The following PHLDB3 variants were observed in gnomAD, a reference collection of about 807,000 sequenced individuals.
PHLDB3 encodes pleckstrin homology like domain family B member 3.
PHLDB3 carries 86 observed loss-of-function variants against 85.7 expected under a neutral mutation model. The ratio of observed to expected loss-of-function variants is 1.00; its 90% CI spans 0.84 to 1.20. The LOEUF (loss-of-function observed/expected upper bound fraction) is 1.20, where lower values mean the gene tolerates loss of function less well. PHLDB3 is among the 50% of genes most tolerant of loss of function. The pLI, the probability that PHLDB3 is intolerant of heterozygous loss-of-function variation, is 0.00. For synonymous variants in PHLDB3, 376 were observed against 349.8 expected, an observed-to-expected ratio of 1.07 and a Z score of -0.83; for missense variants, 995 against 873.0, an observed-to-expected ratio of 1.14 and a Z score of -1.76.
At position 43,502,940 on chromosome 19, in the gene PHLDB3, G is replaced by A. The variant is rs73935003; in HGVS notation, c.214-657C>T. 5.2e-3 allele frequency among the ~76,000 whole-genome samples: 788 copies of A among 152,106 alleles called. 5 individuals are homozygous for A. The highest frequency in any genetic ancestry group is 0.018 in the African/African-American group (756 of 41,484). ...TGGCGTCACTTTCTTGTAGTGCCTG[G>A]ATCTGTCTCTGTCTCTCCACCTGAC... is the stretch of plus-strand genomic sequence containing the variant. On this transcript the variant is annotated intron_variant, in intron 2 of 15. Coordinates refer to ENST00000292140, the MANE Select transcript of PHLDB3 (RefSeq NM_198850.4).
intron 1 of PHLDB3, chr19:43,504,340 A>T: frequency 1.7e-6 from 1 of 591,420 alleles, no homozygotes; most frequent in Non-Finnish European, 3.0e-6. Flanking sequence ...CGGAGACGGG[A>T]CCGGAATTTG....
At chr19:43,478,175 T>A (rs765148855) in intron 14 of PHLDB3, 43 bp from the exon 15 acceptor site, 2 of 1,467,278 alleles carry the variant, frequency 1.4e-6, no homozygotes, top group South Asian at 2.3e-5. Context: ...GTGAGAAAGG[T>A]GTGTCTGTGT....
chr19:43,485,859 T>A (rs1971143546), intron 13 of PHLDB3: 1 of 792,628 alleles, frequency 1.3e-6, no homozygotes, highest in African/African-American at 1.9e-5. Flanking sequence ...AAAAACAAAA[T>A]TTTAAATGAT....
intron 15 of PHLDB3, among the ~76,000 whole-genome samples, chr19:43,477,140 C>G (rs573902244): frequency 6.6e-6 from 1 of 152,306 alleles, no homozygotes; most frequent in South Asian, 2.1e-4. Context: ...GCTGCCCGAC[C>G]CTTGCTGTGA....
Position 43,486,613 on chromosome 19 carries a change from G to T in PHLDB3, c.1424C>A (p.Ala475Asp). 1 of 1,612,826 alleles carries T rather than the reference G, an allele frequency of 6.2e-7. No homozygotes were observed. The highest frequency in any genetic ancestry group is 8.5e-7 in the Non-Finnish European group (1 of 1,179,568). The change falls in exon 12 of 16, where the codon GCC (alanine) becomes GAC (aspartate). Residue 475 changes from alanine to aspartate, a missense_variant. Physicochemically the swap from Ala to Asp is moderately radical, Grantham distance 126. Transcript: ENST00000292140. ...GAGGATGGCCTGGGCTCTCACCCGG[G>T]CCTTGAGCAGCCGCTCCCTCTCCGC... ...AMAERERLLK[A>D]REGTRRGTEG...
In PHLDB3 at chr19:43,494,711, G is replaced by C. The variant is rs142679800; in HGVS notation, c.1140C>G (p.Ser380Arg). ...GCCGTGGGGGAGGCACCTGCAGGGA[G>C]CTGTGGACAGAAAAGAGGCAGGAAG... ...PTSSCLFSVH[S>R]SLQGSIGLQR... The change falls in exon 9 of 16, where the codon AGC becomes AGG. Residue 380 changes from serine to arginine, a missense_variant. By Grantham distance (110) the Ser-to-Arg change is moderately radical. Transcript: ENST00000292140. The C allele has an allele frequency of 8.3e-4, 1,335 of 1,611,280 alleles. 33 individuals are homozygous for C. In the East Asian group the frequency reaches 0.022, roughly 27 times the overall value.
chr19:43,503,829 C>A, intron 2 of PHLDB3, 77 bp downstream of exon 2: 1 of 1,551,796 alleles, frequency 6.4e-7, no homozygotes, highest in South Asian at 1.1e-5. Flanking sequence ...TTTCCCTCTA[C>A]CTGTCTACCT....
At chr19:43,487,191 C>A in intron 9 of PHLDB3, 68 bp from the exon 10 acceptor site, 7 of 1,301,008 alleles carry the variant, frequency 5.4e-6, no homozygotes, top group Non-Finnish European at 7.6e-6. Context: ...AGAGCACTGC[C>A]CAGTGAAGCC....
chr19:43,492,624 CAAAAA>C (rs4028108), intron 9 of PHLDB3, among the ~76,000 whole-genome samples: 11 of 127,248 alleles, frequency 8.6e-5, no homozygotes, highest in Non-Finnish European at 1.3e-4. Flanking sequence ...GACCCTATCT[CAAAAA>C]AAAAAAAAAA....
chr19:43,501,664 G>T, intron 4 of PHLDB3, 70 bp downstream of exon 4: 1 of 1,544,812 alleles, frequency 6.5e-7, no homozygotes, highest in African/African-American at 1.4e-5. Context: ...GGCGCAGGTG[G>T]CTAGGAGCAC....
At chr19:43,493,445 G>A (rs1971369464) in intron 9 of PHLDB3, among the ~76,000 whole-genome samples, 1 of 151,988 alleles carries the variant, frequency 6.6e-6, no homozygotes, top group Non-Finnish European at 1.5e-5. Flanking sequence ...AGACCAGCTT[G>A]GGCAAAAGGA....
intron 9 of PHLDB3, among the ~76,000 whole-genome samples, chr19:43,488,925 G>A (rs1235693147): frequency 1.3e-5 from 2 of 151,774 alleles, no homozygotes; most frequent in Middle Eastern, 3.2e-3. Context: ...TCAGCCTCAC[G>A]AGTAGCTGGG....
intron 4 of PHLDB3, among the ~76,000 whole-genome samples, chr19:43,498,431 G>T (rs945824757): frequency 3.4e-5 from 5 of 147,206 alleles, no homozygotes; most frequent in Admixed American, 1.4e-4. Flanking sequence ...GAGGGAGGGA[G>T]GGAAGAGAAA....
rs772568910 is a variant in PHLDB3 at position 43,504,065 on chromosome 19, T to A, written c.54A>T (p.Glu18Asp). The A allele has an allele frequency of 3.1e-6, 5 of 1,613,442 alleles. No homozygotes were observed. The highest frequency in any genetic ancestry group is 3.4e-6 in the Non-Finnish European group (4 of 1,179,636). ...EEGTPPPLVPECDVEVQPQGH... is the reference protein window; with the variant it reads ...EEGTPPPLVPDCDVEVQPQGH... ...CCTGGGGCTGGACCTCCACGTCGCA[T>A]TCCGGGACCAGCGGCGGCGGGGTCC... is the stretch of plus-strand genomic sequence containing the variant. Residue 18 changes from glutamate (E) to aspartate (D), a missense_variant, in exon 2 of 16, where the codon GAA becomes GAT. Physicochemically the swap from Glu to Asp is conservative, Grantham distance 45. Coordinates refer to ENST00000292140, the MANE Select transcript of PHLDB3 (RefSeq NM_198850.4).
rs779842577 is a variant in PHLDB3 at position 43,495,325 on chromosome 19, C to T, written c.966G>A (p.Leu322=). The part of the protein sequence containing the change: ...LQALSQERSR[L]LELNCLQGTP... ...TTCCCTGAAGGCAATTGAGCTCGAGCAGCCGGCTCCGTTCCTACCAGAAGA... is the reference window on the plus strand; with the variant it reads ...TTCCCTGAAGGCAATTGAGCTCGAGTAGCCGGCTCCGTTCCTACCAGAAGA... Residue 322 remains leucine, a synonymous_variant, in exon 8 of 16, where the codon CTG becomes CTA. Transcript: ENST00000292140. 2.2e-5 allele frequency: 36 copies of T among 1,613,356 alleles called. No homozygotes were observed. Among genetic ancestry groups the T allele is most frequent in the Non-Finnish European group, 1.5e-5 (18 of 1,179,694 alleles).
At chr19:43,476,227 T>C (rs1029020744) in intron 15 of PHLDB3, among the ~76,000 whole-genome samples, 8 of 152,338 alleles carry the variant, frequency 5.3e-5, no homozygotes, top group African/African-American at 1.9e-4. Flanking sequence ...GTGTCTAGAA[T>C]CCGTTATTTG....
At chr19:43,489,794 G>C (rs992573311) in intron 9 of PHLDB3, among the ~76,000 whole-genome samples, 1 of 151,982 alleles carries the variant, frequency 6.6e-6, no homozygotes, top group African/African-American at 2.4e-5. Context: ...ATCACCTGAG[G>C]TCAGGAGTTC....
chr19:43,504,216 ACCC>A, intron 1 of PHLDB3, 84 bp from the exon 2 acceptor site: 1 of 1,194,548 alleles, frequency 8.4e-7, no homozygotes, highest in Non-Finnish European at 1.1e-6. Context: ...GGGCGCGGAG[ACCC>A]CCCCCCAAGG....
At chr19:43,492,032 T>C (rs1443284929) in intron 9 of PHLDB3, among the ~76,000 whole-genome samples, 1 of 146,882 alleles carries the variant, frequency 6.8e-6, no homozygotes, top group Non-Finnish European at 1.5e-5. Flanking sequence ...CTCGGCTCAC[T>C]GCAACCTCCG....
Sources: gnomAD v4.1 joint callset for allele counts (sites outside exome capture counted in the v4.1 genomes callset) on GRCh38, gnomAD v4.1.1 for gene constraint, MANE v1.5 for transcripts, NCBI Gene and HGNC (gene_info 2026-07-23, HGNC 2026-07-21) for gene names.